The following SCHIP1 variants were observed in gnomAD, a reference collection of about 807,000 sequenced individuals.
SCHIP1 encodes schwannomin interacting protein 1.
A neutral mutation model predicts 29.7 loss-of-function variants in SCHIP1; 8 were observed. The observed-to-expected ratio is 0.27, with a 90% CI of 0.16 to 0.49. SCHIP1 has a LOEUF of 0.49. Among genes scored for constraint, SCHIP1 ranks in the 20% least tolerant of loss-of-function variants. The pLI, the probability that SCHIP1 is intolerant of heterozygous loss-of-function variation, is 0.99. For synonymous variants in SCHIP1, 76 were observed against 94.9 expected, an observed-to-expected ratio of 0.80 and a Z score of 1.16; for missense variants, 193 against 294.6, an observed-to-expected ratio of 0.66 and a Z score of 2.52.
the SCHIP1 span, among the ~76,000 whole-genome samples, chr3:159,344,154 T>G: frequency 6.6e-6 from 1 of 151,924 alleles, no homozygotes; most frequent in South Asian, 2.1e-4. Context: ...CCAACATGTC[T>G]CTACTAAAAG....
At chr3:159,613,820 T>C in the SCHIP1 span, among the ~76,000 whole-genome samples, 127 of 152,368 alleles carry the variant, frequency 8.3e-4, no homozygotes, top group African/African-American at 2.9e-3. Flanking sequence ...CATTTATCTA[T>C]GTATATATTT....
At chr3:159,380,077 GA>G in the SCHIP1 span, among the ~76,000 whole-genome samples, 6 of 152,118 alleles carry the variant, frequency 3.9e-5, no homozygotes, top group Non-Finnish European at 7.3e-5. Flanking sequence ...CAGCAGAAAG[GA>G]AAAAATTTAA....
intron 2 of SCHIP1, among the ~76,000 whole-genome samples, chr3:159,870,719 T>C (rs553504914): frequency 6.6e-6 from 1 of 152,136 alleles, no homozygotes; most frequent in East Asian, 1.9e-4. Flanking sequence ...TGTTTAGGAT[T>C]GTTAGGTTTA....
the SCHIP1 span, among the ~76,000 whole-genome samples, chr3:159,608,186 T>C: frequency 1.3e-5 from 2 of 152,222 alleles, no homozygotes; most frequent in Admixed American, 1.3e-4. Context: ...ATGTATCTGC[T>C]ATTGGTCAAG....
the SCHIP1 span, among the ~76,000 whole-genome samples, chr3:159,828,599 A>C: frequency 6.6e-6 from 1 of 151,572 alleles, no homozygotes; most frequent in East Asian, 1.9e-4. Context: ...TCATAATACT[A>C]TCCCAAACAG....
At chr3:159,652,927 G>A in the SCHIP1 span, among the ~76,000 whole-genome samples, 1 of 152,150 alleles carries the variant, frequency 6.6e-6, no homozygotes, top group Admixed American at 6.5e-5. Context: ...GACAAAAATT[G>A]TGTGTTCTCA....
At chr3:159,426,813 G>A in the SCHIP1 span, among the ~76,000 whole-genome samples, 1 of 152,166 alleles carries the variant, frequency 6.6e-6, no homozygotes, top group Non-Finnish European at 1.5e-5. Context: ...GAATCCAGCA[G>A]CACATCAAAA....
the SCHIP1 span, chr3:159,764,740 G>A: frequency 1.3e-6 from 2 of 1,572,360 alleles, no homozygotes; most frequent in South Asian, 2.3e-5. The surrounding 1 kb of genome is among the most constrained non-coding windows in gnomAD (Gnocchi z 6.1). Context: ...TCCGGCCCGG[G>A]AACCGGGGGA....
upstream of SCHIP1, among the ~76,000 whole-genome samples, chr3:159,835,493 A>G (rs967492884): frequency 3.3e-5 from 5 of 152,212 alleles, no homozygotes; most frequent in African/African-American, 7.2e-5. Context: ...CCATTGACCT[A>G]TCCATCTACC....
the SCHIP1 span, among the ~76,000 whole-genome samples, chr3:159,587,673 A>G: frequency 6.6e-6 from 1 of 151,954 alleles, no homozygotes; most frequent in African/African-American, 2.4e-5. Context: ...CCGGTGTCCA[A>G]GTGTTCTCAT....
intron 1 of SCHIP1, among the ~76,000 whole-genome samples, chr3:159,848,214 A>G (rs1169859443): frequency 6.6e-6 from 1 of 152,142 alleles, no homozygotes; most frequent in Non-Finnish European, 1.5e-5. Flanking sequence ...CAGAGCAGGG[A>G]GTGGGAAGAG....
chr3:159,371,047 T>G, the SCHIP1 span, among the ~76,000 whole-genome samples: 1 of 69,588 alleles, frequency 1.4e-5, no homozygotes, highest in African/African-American at 7.1e-5. Context: ...TTATCTTGTT[T>G]ATTGTCTGTC....
chr3:159,484,830 G>A, the SCHIP1 span, among the ~76,000 whole-genome samples: 1 of 152,132 alleles, frequency 6.6e-6, no homozygotes, highest in Non-Finnish European at 1.5e-5. Flanking sequence ...CTGAGCCAAA[G>A]CAAAGTGACT....
chr3:159,501,218 A>G, the SCHIP1 span, among the ~76,000 whole-genome samples: 1 of 152,100 alleles, frequency 6.6e-6, no homozygotes, highest in African/African-American at 2.4e-5. Context: ...GTTCTTATCT[A>G]TTGCTGTGAC....
the SCHIP1 span, among the ~76,000 whole-genome samples, chr3:159,796,008 A>C: frequency 6.6e-6 from 1 of 152,360 alleles, no homozygotes; most frequent in African/African-American, 2.4e-5. Flanking sequence ...TTTTAAAGGA[A>C]GCAAGCCATA....
chr3:159,677,121 TG>T, the SCHIP1 span, among the ~76,000 whole-genome samples: 1 of 152,166 alleles, frequency 6.6e-6, no homozygotes, highest in African/African-American at 2.4e-5. Flanking sequence ...CAAAAGGTCT[TG>T]CCCACCTGGA....
At chr3:159,578,998 A>G in the SCHIP1 span, among the ~76,000 whole-genome samples, 2 of 152,164 alleles carry the variant, frequency 1.3e-5, no homozygotes, top group Non-Finnish European at 2.9e-5. Context: ...TTCAGTTTCC[A>G]TTGGACAATA....
intron 2 of SCHIP1, among the ~76,000 whole-genome samples, chr3:159,883,786 C>T (rs370631368): frequency 2.0e-5 from 3 of 152,208 alleles, no homozygotes; most frequent in Non-Finnish European, 4.4e-5. Flanking sequence ...GGTACTAAGG[C>T]GATTTTCTGA....
intron 1 of SCHIP1, among the ~76,000 whole-genome samples, chr3:159,853,770 CAT>C (rs1051480429): frequency 7.2e-5 from 11 of 152,128 alleles, no homozygotes; most frequent in African/African-American, 1.4e-4. Flanking sequence ...AAATTATTGA[CAT>C]ATATTTACAG....
Sources: allele counts gnomAD v4.1 joint callset (sites outside exome capture counted in the v4.1 genomes callset), GRCh38; gene constraint gnomAD v4.1.1; non-coding constraint Gnocchi (gnomAD v3.1); transcripts MANE v1.5; gene names NCBI Gene and HGNC (gene_info 2026-07-23, HGNC 2026-07-21).